DGKG: variants seen among roughly 807,000 people sequenced by gnomAD.
The protein encoded by DGKG is diacylglycerol kinase gamma, also known as DAG kinase gamma.
DGKG carries 78 observed loss-of-function variants against 105.3 expected under a neutral mutation model. The ratio of observed to expected loss-of-function variants is 0.74; its 90% confidence interval spans 0.62 to 0.89. DGKG has a LOEUF of 0.89. Among genes scored for constraint, DGKG ranks in the 40% least tolerant of loss-of-function variants. The pLI is 0.00. For synonymous variants in DGKG, 346 were observed against 367.1 expected (o/e 0.94, Z 0.66); for missense variants, 958 against 1,020.1 (o/e 0.94, Z 0.83).
Position 186,210,526 on chromosome 3 carries a change from G to C in DGKG, c.1917+1269C>G, listed in dbSNP as rs1718985319. The C allele has an allele frequency of 1.8e-5, 8 of 447,020 alleles. No individual in the cohort carries two copies. Among genetic ancestry groups the C allele is most frequent in the South Asian group, 1.1e-4 (7 of 63,512 alleles). 27.7% of individuals were successfully genotyped at this position (447,020 alleles called of 1,614,324 possible). The stretch of plus-strand genomic sequence containing the variant: ...GATCGGCGCCTCCCACCCTGGCGTT[G>C]GTAACCCAGCAACCGAAGAGGAGAG... On this transcript the variant is annotated intron_variant, in intron 21 of 24. Coordinates refer to ENST00000265022, the MANE Select transcript of DGKG (RefSeq NM_001346.3). The surrounding 1 kb of genome is among the most constrained non-coding windows in gnomAD (Gnocchi z 5.2).
intron 20 of DGKG, among the ~76,000 whole-genome samples, chr3:186,239,900 T>C (rs1276700860): frequency 8.8e-6 from 1 of 113,234 alleles, no homozygotes; most frequent in African/African-American, 4.2e-5. Context: ...CGCTACAATC[T>C]TTTTTTTTTT....
intron 1 of DGKG, among the ~76,000 whole-genome samples, chr3:186,357,728 G>T (rs1293926399): frequency 6.6e-6 from 1 of 152,154 alleles, no homozygotes; most frequent in African/African-American, 2.4e-5. Context: ...TCTCTTCGGG[G>T]CTAGGCACTG....
intron 2 of DGKG, among the ~76,000 whole-genome samples, chr3:186,316,818 A>C (rs1358770076): frequency 6.6e-6 from 1 of 152,172 alleles, no homozygotes; most frequent in Non-Finnish European, 1.5e-5. Flanking sequence ...TTATTTTGTT[A>C]TTGTAAAGCT....
At chr3:186,324,608 C>A (rs577326315) in intron 1 of DGKG, among the ~76,000 whole-genome samples, 10 of 151,124 alleles carry the variant, frequency 6.6e-5, no homozygotes, top group South Asian at 4.2e-4. Context: ...AAGTGGCCAA[C>A]AAACATGAAA....
chr3:186,204,781 T>C (rs1451069781), intron 21 of DGKG, among the ~76,000 whole-genome samples: 1 of 152,152 alleles, frequency 6.6e-6, no homozygotes, highest in Non-Finnish European at 1.5e-5. Context: ...AGATCGATGT[T>C]GAGAAGAACT....
intron 9 of DGKG, 82 bp downstream of exon 9, chr3:186,279,769 C>T (rs1241590585): frequency 1.3e-6 from 2 of 1,537,732 alleles, no homozygotes; most frequent in African/African-American, 2.7e-5. Context: ...GGAGCAGAAG[C>T]CAAAGTGATA....
intron 21 of DGKG, among the ~76,000 whole-genome samples, chr3:186,192,372 T>C (rs1578645007): frequency 6.6e-6 from 1 of 152,218 alleles, no homozygotes; most frequent in Non-Finnish European, 1.5e-5. Flanking sequence ...TTGGCTGTAG[T>C]TGCTTCTACA....
chr3:186,221,455 G>A (rs1017453645), intron 20 of DGKG, among the ~76,000 whole-genome samples: 5 of 152,226 alleles, frequency 3.3e-5, no homozygotes, highest in Non-Finnish European at 5.9e-5. Context: ...TGATTTGGCG[G>A]AGGGTGGAGG....
In DGKG at chr3:186,231,467, G is replaced by A. The variant is rs1021275853; in HGVS notation, c.1826+11037C>T. On this transcript the variant is annotated intron_variant, in intron 20 of 24. Transcript: ENST00000265022. The surrounding 1 kb of genome is among the most constrained non-coding windows in gnomAD (Gnocchi z 4.5). ...TGGATCAATAATACTTACACTTGGT[G>A]AGTTGTGCCACTTAAAAATAATGTA... is the stretch of plus-strand genomic sequence containing the variant. 4.6e-5 allele frequency among the ~76,000 whole-genome samples: 7 copies of A among 152,172 alleles called. No homozygotes were observed. The highest frequency in any genetic ancestry group is 3.3e-4 in the Admixed American group (5 of 15,284).
intron 3 of DGKG, among the ~76,000 whole-genome samples, chr3:186,301,813 G>A (rs969245346): frequency 3.9e-5 from 6 of 152,212 alleles, no homozygotes; most frequent in Non-Finnish European, 5.9e-5. Context: ...ACCATCCTGT[G>A]TACTCTCCTA....
At chr3:186,251,224 C>T (rs1275675548) in intron 19 of DGKG, among the ~76,000 whole-genome samples, 1 of 152,140 alleles carries the variant, frequency 6.6e-6, no homozygotes, top group Non-Finnish European at 1.5e-5. Flanking sequence ...AGCATTCAGC[C>T]TAAGGGGTCA....
chr3:186,255,130 C>T (rs2108566623), intron 17 of DGKG, among the ~76,000 whole-genome samples: 1 of 152,366 alleles, frequency 6.6e-6, no homozygotes, highest in South Asian at 2.1e-4. Flanking sequence ...TTGTAATTAT[C>T]TCCTTGTTTG....
chr3:186,286,204 G>A (rs55782838), intron 6 of DGKG, among the ~76,000 whole-genome samples: 149 of 152,248 alleles, frequency 9.8e-4, no homozygotes, highest in Non-Finnish European at 1.8e-3. Flanking sequence ...TTAAAGGTAG[G>A]GTCATGGGCT....
intron 1 of DGKG, among the ~76,000 whole-genome samples, chr3:186,360,910 CAG>C (rs1281272790): frequency 6.6e-6 from 1 of 152,264 alleles, no homozygotes; most frequent in East Asian, 1.9e-4. Context: ...CTCCTCCCCA[CAG>C]AGAGGTCATC....
chr3:186,171,808 C>T (rs1451766443), intron 22 of DGKG, among the ~76,000 whole-genome samples: 1 of 151,938 alleles, frequency 6.6e-6, no homozygotes. Context: ...TGGTTTTTGC[C>T]TCTCTCCTTT....
chr3:186,291,172 A>G (rs934951245), intron 5 of DGKG, among the ~76,000 whole-genome samples: 14 of 152,216 alleles, frequency 9.2e-5, no homozygotes, highest in Admixed American at 7.9e-4. Context: ...GTGAAGAGGC[A>G]CCATAAATTC....
intron 1 of DGKG, among the ~76,000 whole-genome samples, chr3:186,324,837 G>A (rs1725258607): frequency 6.6e-6 from 1 of 152,168 alleles, no homozygotes; most frequent in Non-Finnish European, 1.5e-5. Context: ...CCCATTACTG[G>A]GTATACATCC....
At chr3:186,335,410 C>T (rs367810793) in intron 1 of DGKG, among the ~76,000 whole-genome samples, 1 of 152,142 alleles carries the variant, frequency 6.6e-6, no homozygotes, top group Non-Finnish European at 1.5e-5. Context: ...TATTTAAGCT[C>T]TTTTTAAACA....
chr3:186,284,082 C>G lies in DGKG; in HGVS notation c.594+578G>C, dbSNP rs1412400901. ...TGAAGGGGTGAGGGTGAGTCTCAGG[C>G]TTTCTCAGGTGCAATGGGATGGGAA... On this transcript the variant is annotated intron_variant, in intron 7 of 24. Coordinates refer to ENST00000265022, the MANE Select transcript of DGKG (RefSeq NM_001346.3). This position sits in a 1 kb window ranked among gnomAD's most constrained non-coding sequence, Gnocchi z 4.0. Among the ~76,000 whole-genome samples, 2 of 152,182 alleles carry G rather than the reference C, an allele frequency of 1.3e-5. No homozygotes were observed. Among genetic ancestry groups the G allele is most frequent in the Non-Finnish European group, 2.9e-5 (2 of 68,034 alleles).
Sources: allele counts gnomAD v4.1 joint callset (sites outside exome capture counted in the v4.1 genomes callset), GRCh38; gene constraint gnomAD v4.1.1; non-coding constraint Gnocchi (gnomAD v3.1); transcripts MANE v1.5; gene names NCBI Gene and HGNC (gene_info 2026-07-23, HGNC 2026-07-21).